Variants in GMDS observed in about 807,000 individuals in gnomAD.
GMDS encodes GDP-mannose 4,6 dehydratase.
In GMDS, 20 loss-of-function variants were observed where a neutral mutation model predicts 49.9. The ratio of observed to expected loss-of-function variants is 0.40; its 90% confidence interval spans 0.28 to 0.58. The LOEUF is 0.58. Among genes scored for constraint, GMDS ranks in the 20% least tolerant of loss-of-function variants. The pLI, the probability that GMDS is intolerant of heterozygous loss-of-function variation, is 0.42. For missense variants in GMDS, 362 were observed against 481.4 expected, an observed-to-expected ratio of 0.75 and a Z score of 2.32; for synonymous variants, 177 against 178.6, an observed-to-expected ratio of 0.99 and a Z score of 0.07.
intron 4 of GMDS, among the ~76,000 whole-genome samples, chr6:2,052,116 C>CAAAAAAAAAAAAAAAAAAAAAAA (rs1285013159): frequency 6.7e-4 from 29 of 43,570 alleles, no homozygotes; most frequent in Non-Finnish European, 8.8e-4. Context: ...GACTCTGTCT[C>CAAAAAAAAAAAAAAAAAAAAAAA]AAAAAAAAAA....
In GMDS at chr6:2,175,971, C is replaced by A. The variant is rs1044358707; in HGVS notation, c.103-51240G>T. Reference sequence around the variant, plus strand: ...GGAACCAGAGGCAATGGTAACGCTCCCAACAAACTGCCTGTGTACAAAACT... The same window carrying A: ...GGAACCAGAGGCAATGGTAACGCTCACAACAAACTGCCTGTGTACAAAACT... On this transcript the variant is annotated intron_variant, in intron 1 of 10. Coordinates refer to ENST00000380815, the MANE Select transcript of GMDS (RefSeq NM_001500.4). The A allele has an allele frequency of 2.0e-6, 3 of 1,531,958 alleles. No homozygotes were observed. In the Admixed American group the frequency reaches 5.9e-5, roughly 30 times the overall value. 94.9% of individuals were successfully genotyped at this position (1,531,958 alleles called of 1,614,324 possible). A position where few individuals can be genotyped will look rare whatever the true frequency, so the allele number is the denominator to read the frequency against.
chr6:1,885,805 G>C (rs1759574094), intron 7 of GMDS, among the ~76,000 whole-genome samples: 1 of 152,178 alleles, frequency 6.6e-6, no homozygotes, highest in Non-Finnish European at 1.5e-5. Flanking sequence ...GGCTGGCCTG[G>C]GATACCATGC....
chr6:1,699,617 G>A (rs549457453), intron 9 of GMDS, among the ~76,000 whole-genome samples: 34 of 152,208 alleles, frequency 2.2e-4, no homozygotes, highest in South Asian at 4.1e-4. Flanking sequence ...CCCTGACCCC[G>A]CTTCGTCTTC....
chr6:1,769,425 T>C (rs1768488830), intron 7 of GMDS, among the ~76,000 whole-genome samples: 1 of 152,258 alleles, frequency 6.6e-6, no homozygotes, highest in African/African-American at 2.4e-5. Flanking sequence ...ACTGAAGCTA[T>C]GAAAACACAA....
chr6:1,835,062 G>A (rs2113734104), intron 7 of GMDS, among the ~76,000 whole-genome samples: 1 of 150,872 alleles, frequency 6.6e-6, no homozygotes, highest in Non-Finnish European at 1.5e-5. Flanking sequence ...TACTGATAGA[G>A]AGGGAGAGGG....
chr6:1,877,768 T>A (rs1290494212), intron 7 of GMDS, among the ~76,000 whole-genome samples: 2 of 151,786 alleles, frequency 1.3e-5, no homozygotes, highest in East Asian at 1.9e-4. Context: ...GCACAAGGGA[T>A]CTTAAATATG....
intron 7 of GMDS, among the ~76,000 whole-genome samples, chr6:1,768,114 T>C (rs1303127225): frequency 1.3e-5 from 2 of 152,142 alleles, no homozygotes; most frequent in African/African-American, 4.8e-5. Flanking sequence ...AAATAAACAT[T>C]TCAGTACTGA....
At chr6:2,218,835 G>A (rs1780455202) in intron 1 of GMDS, among the ~76,000 whole-genome samples, 1 of 152,212 alleles carries the variant, frequency 6.6e-6, no homozygotes, top group Admixed American at 6.5e-5. Context: ...ACTGAGGTTT[G>A]TAGAGGCTAA....
intron 9 of GMDS, among the ~76,000 whole-genome samples, chr6:1,683,005 CG>C (rs542063571): frequency 8.1e-4 from 123 of 152,288 alleles, no homozygotes; most frequent in Non-Finnish European, 1.5e-3. Flanking sequence ...GTCATGGAGA[CG>C]GGGTAAAACC....
chr6:2,209,351 AGATCT>A (rs1779955806), intron 1 of GMDS, among the ~76,000 whole-genome samples: 1 of 152,238 alleles, frequency 6.6e-6, no homozygotes, highest in South Asian at 2.1e-4. Flanking sequence ...TGTACTCTGC[AGATCT>A]GATGTTTTAA....
chr6:1,985,364 T>G (rs1765482662), intron 4 of GMDS, among the ~76,000 whole-genome samples: 2 of 150,482 alleles, frequency 1.3e-5, no homozygotes, highest in African/African-American at 4.9e-5. Flanking sequence ...GGGGTCCTAT[T>G]CAATACAGGC....
At chr6:2,219,326 C>T (rs891729775) in intron 1 of GMDS, among the ~76,000 whole-genome samples, 2 of 152,154 alleles carry the variant, frequency 1.3e-5, no homozygotes, top group African/African-American at 4.8e-5. Context: ...TCCTACAGAA[C>T]CAGTTTGGCT....
intron 9 of GMDS, among the ~76,000 whole-genome samples, chr6:1,656,591 G>C (rs536377963): frequency 6.6e-6 from 1 of 151,942 alleles, no homozygotes. Context: ...GTGAAACCCC[G>C]TCTCTACTAA....
At chr6:2,093,699 T>C (rs1773443638) in intron 4 of GMDS, among the ~76,000 whole-genome samples, 1 of 151,390 alleles carries the variant, frequency 6.6e-6, no homozygotes, top group Admixed American at 6.6e-5. Context: ...AATTAAATTC[T>C]AAAAAAGATA....
In GMDS at chr6:1,726,485, C is replaced by A; in HGVS notation, c.918G>T (p.Val306=). ...IVWEGKNENE[V]GRCKETGKVH... is the part of the protein sequence containing the mutation. Reference sequence around the variant, plus strand: ...CTTTGCCGGTCTCTTTACATCTGCCCACTTCATTTTCATTCTTTCCTTCCC... The same window carrying A: ...CTTTGCCGGTCTCTTTACATCTGCCAACTTCATTTTCATTCTTTCCTTCCC... The change falls in exon 9 of 11, where the codon GTG becomes GTT. Residue 306 remains valine, a synonymous_variant. Coordinates refer to ENST00000380815, the MANE Select transcript of GMDS (RefSeq NM_001500.4). 1 of 1,613,050 alleles carries A rather than the reference C, an allele frequency of 6.2e-7. No homozygotes were observed. Among genetic ancestry groups the A allele is most frequent in the Non-Finnish European group, 8.5e-7 (1 of 1,178,966 alleles).
At chr6:1,771,961 A>T (rs986494273) in intron 7 of GMDS, among the ~76,000 whole-genome samples, 1 of 147,848 alleles carries the variant, frequency 6.8e-6, no homozygotes, top group African/African-American at 2.5e-5. Flanking sequence ...AAAGAAAAGG[A>T]AGAGCAGGCA....
intron 9 of GMDS, among the ~76,000 whole-genome samples, chr6:1,671,217 C>G (rs1050556735): frequency 1.2e-4 from 19 of 152,212 alleles, no homozygotes; most frequent in African/African-American, 4.3e-4. Flanking sequence ...AAGACGCCTG[C>G]CCTTCAGAGT....
At chr6:1,753,837 A>G (rs1767832349) in intron 7 of GMDS, among the ~76,000 whole-genome samples, 1 of 152,214 alleles carries the variant, frequency 6.6e-6, no homozygotes, top group South Asian at 2.1e-4. Context: ...GAAACCAACA[A>G]GAACAAAGAC....
chr6:1,848,035 T>A (rs965970908), intron 7 of GMDS, among the ~76,000 whole-genome samples: 5 of 152,162 alleles, frequency 3.3e-5, no homozygotes, highest in African/African-American at 1.2e-4. Flanking sequence ...GACATCGAAA[T>A]GAGACTTGAA....
Sources: allele counts gnomAD v4.1 joint callset (sites outside exome capture counted in the v4.1 genomes callset), GRCh38; gene constraint gnomAD v4.1.1; transcripts MANE v1.5; gene names NCBI Gene and HGNC (gene_info 2026-07-23, HGNC 2026-07-21).